Variants in FAM78B observed in about 807,000 individuals in gnomAD.
FAM78B encodes the protein family with sequence similarity 78 member B.
FAM78B carries 10 observed loss-of-function variants against 20.0 expected under a neutral mutation model. The observed-to-expected ratio is 0.50, with a 90% CI of 0.31 to 0.85. The LOEUF (loss-of-function observed/expected upper bound fraction) is 0.85. Among genes scored for constraint, FAM78B ranks in the 40% least tolerant of loss-of-function variants. FAM78B has a pLI of 0.05. For missense variants in FAM78B, 283 were observed against 345.0 expected, an observed-to-expected ratio of 0.82 and a Z score of 1.42; for synonymous variants, 135 against 132.8, an observed-to-expected ratio of 1.02 and a Z score of -0.12.
At chr1:166,150,385 A>G (rs1655630428) in intron 1 of FAM78B, among the ~76,000 whole-genome samples, 1 of 152,246 alleles carries the variant, frequency 6.6e-6, no homozygotes, top group Non-Finnish European at 1.5e-5. Context: ...AAAAGGAGAC[A>G]TGAAAAGCTT....
chr1:166,146,500 T>C (rs1395184252), intron 1 of FAM78B, among the ~76,000 whole-genome samples: 1 of 152,168 alleles, frequency 6.6e-6, no homozygotes, highest in African/African-American at 2.4e-5. Context: ...CTTGCTCTTG[T>C]TTACCAGTTT....
At chr1:166,079,120 A>T (rs1571141060) in intron 1 of FAM78B, among the ~76,000 whole-genome samples, 1 of 151,986 alleles carries the variant, frequency 6.6e-6, no homozygotes, top group East Asian at 1.9e-4. Context: ...TTTAAAAGAG[A>T]TGGAGTCTTG....
Position 166,166,381 on chromosome 1 carries a change from G to T in FAM78B, c.-133C>A. ...TCAGACTCAGCTCGCACCTAGGAGC[G>T]GGGAGCCGCCGGGCATCCTTGGGGA... On this transcript the variant is annotated 5_prime_UTR_variant, in exon 1 of 2. Transcript: ENST00000354422. The T allele has an allele frequency of 1.2e-6, 1 of 831,706 alleles. No homozygotes were observed. Among genetic ancestry groups the T allele is most frequent in the African/African-American group, 1.8e-5 (1 of 54,422 alleles). 51.5% of individuals were successfully genotyped at this position (831,706 alleles called of 1,614,324 possible).
rs201347416 is a variant in FAM78B, at chr1:166,134,516, GTAA to G, written c.263+31467_263+31469del. 9.7e-4 allele frequency among the ~76,000 whole-genome samples: 147 copies of G among 150,804 alleles called. 1 individual carries two copies. The highest frequency in any genetic ancestry group is 3.6e-3 in the South Asian group (17 of 4,728). ...TGAAAGACACCAGAACATTAAAGTA[GTAA>G]TAATAATAATAATAATAATAATAAG... On this transcript the variant is annotated intron_variant, in intron 1 of 1. Coordinates refer to ENST00000354422, the MANE Select transcript of FAM78B (RefSeq NM_001017961.5).
intron 1 of FAM78B, among the ~76,000 whole-genome samples, chr1:166,074,821 T>C (rs530932844): frequency 6.6e-6 from 1 of 152,346 alleles, no homozygotes; most frequent in African/African-American, 2.4e-5. Context: ...CGTGCCATCA[T>C]ATACCTACAT....
At chr1:166,089,085 T>C (rs1652957315) in intron 1 of FAM78B, among the ~76,000 whole-genome samples, 1 of 152,186 alleles carries the variant, frequency 6.6e-6, no homozygotes, top group Non-Finnish European at 1.5e-5. Context: ...TTTTTCCCAC[T>C]GCTCCCTTGG....
intron 1 of FAM78B, among the ~76,000 whole-genome samples, chr1:166,086,799 C>T (rs1652848551): frequency 6.6e-6 from 1 of 152,144 alleles, no homozygotes; most frequent in African/African-American, 2.4e-5. Flanking sequence ...AAAGGAGTGC[C>T]TGTCTGCAGT....
At position 166,070,096 on chromosome 1, in the gene FAM78B, C is replaced by A; in HGVS notation, c.*145G>T. 7.3e-7 allele frequency: 1 copy of A among 1,376,944 alleles called. No homozygotes were observed. Among genetic ancestry groups the A allele is most frequent in the East Asian group, 2.5e-5 (1 of 40,432 alleles). 85.3% of individuals were successfully genotyped at this position (1,376,944 alleles called of 1,614,324 possible). On this transcript the variant is annotated 3_prime_UTR_variant, in exon 2 of 2. Coordinates refer to ENST00000354422, the MANE Select transcript of FAM78B (RefSeq NM_001017961.5). ...ATGGTTCTACCACCCAAGGAGCAGC[C>A]CTACTCTTCAAAAGTGGCTGCAAAG...
At chr1:166,155,826 T>A (rs1655870489) in intron 1 of FAM78B, among the ~76,000 whole-genome samples, 1 of 152,128 alleles carries the variant, frequency 6.6e-6, no homozygotes, top group African/African-American at 2.4e-5. Context: ...GATCCTGCTC[T>A]CACAGAACGG....
At chr1:166,125,282 C>T (rs764703094) in intron 1 of FAM78B, among the ~76,000 whole-genome samples, 2 of 152,224 alleles carry the variant, frequency 1.3e-5, no homozygotes, top group Non-Finnish European at 2.9e-5. Flanking sequence ...CATTGGATGC[C>T]CCCTGACTCG....
intron 1 of FAM78B, among the ~76,000 whole-genome samples, chr1:166,076,820 C>T (rs907881313): frequency 2.6e-5 from 4 of 152,120 alleles, no homozygotes; most frequent in African/African-American, 4.8e-5. Flanking sequence ...ACTAAATAGG[C>T]GGACACTGTG....
intron 1 of FAM78B, among the ~76,000 whole-genome samples, chr1:166,083,972 C>G (rs1652688483): frequency 6.6e-6 from 1 of 151,956 alleles, no homozygotes; most frequent in Non-Finnish European, 1.5e-5. Context: ...GACTCATTTC[C>G]TCCCTTTACG....
At chr1:166,160,108 G>T (rs1247606870) in intron 1 of FAM78B, among the ~76,000 whole-genome samples, 1 of 152,204 alleles carries the variant, frequency 6.6e-6, no homozygotes, top group Non-Finnish European at 1.5e-5. Flanking sequence ...AAGTGGCCTG[G>T]AGACTCATCA....
At position 166,129,865 on chromosome 1, in the gene FAM78B, G is replaced by A. The variant is rs114986103; in HGVS notation, c.263+36121C>T. 3.1e-3 allele frequency among the ~76,000 whole-genome samples: 478 copies of A among 152,160 alleles called. 3 individuals carry two copies. The highest frequency in any genetic ancestry group is 5.1e-3 in the Non-Finnish European group (346 of 68,012). ...CATGACCCTCTTCAACACAGCTATG[G>A]CCATGCCATGTCACTGCTAAATTAG... On this transcript the variant is annotated intron_variant, in intron 1 of 1. Transcript: ENST00000354422.
In FAM78B at chr1:166,082,337, C is replaced by T. The variant is rs540155631; in HGVS notation, c.264-11574G>A. ...GATTTGCTGTTCCCTTTGCCCAGGA[C>T]CATTTTCTTTCAGTTCTTTACAACC... On this transcript the variant is annotated intron_variant, in intron 1 of 1. Transcript: ENST00000354422. Among the ~76,000 whole-genome samples, 7 of 152,284 alleles carry T rather than the reference C, an allele frequency of 4.6e-5. No individual in the cohort carries two copies. The South Asian group carries it at 1.2e-3, about 27-fold the overall frequency.
intron 1 of FAM78B, among the ~76,000 whole-genome samples, chr1:166,143,923 T>C (rs1655367175): frequency 6.6e-6 from 1 of 152,132 alleles, no homozygotes; most frequent in Non-Finnish European, 1.5e-5. Context: ...GGGGGCAGGA[T>C]GGGGAGGGAA....
chr1:166,112,505 C>T (rs78516675), intron 1 of FAM78B, among the ~76,000 whole-genome samples: 2 of 152,128 alleles, frequency 1.3e-5, no homozygotes, highest in African/African-American at 2.4e-5. Flanking sequence ...TCTCATGGGT[C>T]GGCCTCAGGG....
At chr1:166,105,401 C>T (rs1431833169) in intron 1 of FAM78B, among the ~76,000 whole-genome samples, 2 of 151,918 alleles carry the variant, frequency 1.3e-5, no homozygotes, top group African/African-American at 4.8e-5. Flanking sequence ...AAGAAACTAC[C>T]ATCAGAGTGA....
chr1:166,128,449 C>T (rs989104227), intron 1 of FAM78B, among the ~76,000 whole-genome samples: 1 of 152,194 alleles, frequency 6.6e-6, no homozygotes, highest in Non-Finnish European at 1.5e-5. Context: ...CACATCCCTC[C>T]CTCTCTGCAC....
Sources: gnomAD v4.1 joint callset for allele counts (sites outside exome capture counted in the v4.1 genomes callset) on GRCh38, gnomAD v4.1.1 for gene constraint, MANE v1.5 for transcripts, NCBI Gene and HGNC (gene_info 2026-07-23, HGNC 2026-07-21) for gene names.